GRIA4: variants seen among roughly 807,000 people sequenced by gnomAD.
The protein encoded by GRIA4 is glutamate ionotropic receptor AMPA type subunit 4.
In GRIA4, 34 loss-of-function variants were observed where a neutral mutation model predicts 104.0. The ratio of observed to expected loss-of-function variants is 0.33; its 90% confidence interval spans 0.25 to 0.44. The LOEUF is 0.44. Among genes scored for constraint, GRIA4 ranks in the 20% least tolerant of loss-of-function variants. The pLI is 1.00. For missense variants in GRIA4, 750 were observed against 1,096.5 expected, an observed-to-expected ratio of 0.68 and a Z score of 4.46; for synonymous variants, 386 against 381.9, an observed-to-expected ratio of 1.01 and a Z score of -0.13.
At chr11:105,940,854 C>A (rs778776886) in intron 14 of GRIA4, among the ~76,000 whole-genome samples, 1 of 151,982 alleles carries the variant, frequency 6.6e-6, no homozygotes, top group Non-Finnish European at 1.5e-5. Context: ...GTTTGGTAGT[C>A]ATTTAGAATG....
At chr11:105,849,609 A>G (rs776424840) in intron 4 of GRIA4, among the ~76,000 whole-genome samples, 5 of 152,230 alleles carry the variant, frequency 3.3e-5, no homozygotes, top group Non-Finnish European at 5.9e-5. Context: ...CTGTCAGGTG[A>G]TGGATCAAAT....
intron 3 of GRIA4, among the ~76,000 whole-genome samples, chr11:105,747,364 A>G (rs943555719): frequency 6.6e-6 from 1 of 152,162 alleles, no homozygotes; most frequent in Non-Finnish European, 1.5e-5. Flanking sequence ...CACACACAAA[A>G]TAGTATCAAA....
chr11:105,767,115 C>T (rs1437562348), intron 4 of GRIA4, among the ~76,000 whole-genome samples: 1 of 152,090 alleles, frequency 6.6e-6, no homozygotes, highest in Non-Finnish European at 1.5e-5. Context: ...TTCATATATA[C>T]TTGTCAAATG....
At chr11:105,973,089 T>C (rs1858780594) in intron 15 of GRIA4, among the ~76,000 whole-genome samples, 1 of 152,158 alleles carries the variant, frequency 6.6e-6, no homozygotes, top group Non-Finnish European at 1.5e-5. Flanking sequence ...GAAATCCTGA[T>C]GTAAAGTCAG....
chr11:105,823,230 AC>A (rs1468189354), intron 4 of GRIA4, among the ~76,000 whole-genome samples: 2 of 152,120 alleles, frequency 1.3e-5, no homozygotes, highest in African/African-American at 4.8e-5. Flanking sequence ...AGTGGATTTA[AC>A]CAGAGCTAGT....
At chr11:105,806,789 T>A (rs548024141) in intron 4 of GRIA4, among the ~76,000 whole-genome samples, 1 of 150,786 alleles carries the variant, frequency 6.6e-6, no homozygotes, top group South Asian at 2.1e-4. Flanking sequence ...TAAGAGATGG[T>A]GCTACATATG....
intron 4 of GRIA4, among the ~76,000 whole-genome samples, chr11:105,772,488 T>G (rs1941255172): frequency 6.6e-6 from 1 of 152,144 alleles, no homozygotes; most frequent in African/African-American, 2.4e-5. Context: ...TGATAACATT[T>G]TTTCTCTTTA....
At chr11:105,639,521 A>T (rs1408017563) in intron 3 of GRIA4, among the ~76,000 whole-genome samples, 1 of 151,808 alleles carries the variant, frequency 6.6e-6, no homozygotes, top group Non-Finnish European at 1.5e-5. Context: ...AATTCCAAGA[A>T]TTTTTTCTAA....
intron 3 of GRIA4, among the ~76,000 whole-genome samples, chr11:105,717,809 C>G (rs1230222280): frequency 6.6e-6 from 1 of 150,802 alleles, no homozygotes; most frequent in East Asian, 2.0e-4. Context: ...TGCGCTGCAC[C>G]CACTAACTCG....
chr11:105,805,023 C>A (rs541301058), intron 4 of GRIA4, among the ~76,000 whole-genome samples: 1 of 152,014 alleles, frequency 6.6e-6, no homozygotes, highest in East Asian at 1.9e-4. Flanking sequence ...ATCTCAGGGA[C>A]TATGCCCTCT....
chr11:105,789,278 A>T (rs905508454), intron 4 of GRIA4, among the ~76,000 whole-genome samples: 15 of 152,290 alleles, frequency 9.8e-5, no homozygotes, highest in African/African-American at 3.1e-4. Flanking sequence ...CTTCCAAGCC[A>T]TTGGAATTGC....
At chr11:105,832,140 CAATGTATGCAACCGA>C (rs1391852857) in intron 4 of GRIA4, among the ~76,000 whole-genome samples, 1 of 151,900 alleles carries the variant, frequency 6.6e-6, no homozygotes, top group African/African-American at 2.4e-5. Context: ...AATAACCCTG[CAATGTATGCAACCGA>C]AAAGTGAGAT....
intron 3 of GRIA4, among the ~76,000 whole-genome samples, chr11:105,670,438 T>C (rs1261344973): frequency 6.6e-6 from 1 of 152,126 alleles, no homozygotes; most frequent in African/African-American, 2.4e-5. Flanking sequence ...TCCAGATAAA[T>C]GCAGAAGTGT....
At chr11:105,743,450 T>C (rs1057044300) in intron 3 of GRIA4, among the ~76,000 whole-genome samples, 2 of 152,318 alleles carry the variant, frequency 1.3e-5, no homozygotes, top group East Asian at 3.9e-4. Flanking sequence ...AGGTCTCCTA[T>C]TCCTCCAATA....
intron 16 of GRIA4, 141 bp downstream of exon 16, chr11:105,974,585 T>C (rs750583040): frequency 7.5e-6 from 12 of 1,602,000 alleles, no homozygotes; most frequent in South Asian, 1.1e-5. Context: ...CTACAGTGAG[T>C]GGGGGATGCA....
chr11:105,831,570 A>T (rs1943979343), intron 4 of GRIA4, among the ~76,000 whole-genome samples: 1 of 152,068 alleles, frequency 6.6e-6, no homozygotes, highest in African/African-American at 2.4e-5. Flanking sequence ...TTCCTGTGTT[A>T]CAATATTCAT....
At chr11:105,635,908 G>A (rs910181369) in intron 3 of GRIA4, among the ~76,000 whole-genome samples, 2 of 152,094 alleles carry the variant, frequency 1.3e-5, no homozygotes, top group African/African-American at 4.8e-5. Context: ...TTAGAAATAG[G>A]AACTTATAGA....
At chr11:105,952,625 C>T (rs1258521868) in intron 14 of GRIA4, among the ~76,000 whole-genome samples, 4 of 152,142 alleles carry the variant, frequency 2.6e-5, no homozygotes, top group Non-Finnish European at 5.9e-5. Context: ...AATTTAGAGA[C>T]AATTGCTGGA....
chr11:105,726,146 A>G (rs1222880621), intron 3 of GRIA4, among the ~76,000 whole-genome samples: 1 of 152,160 alleles, frequency 6.6e-6, no homozygotes, highest in African/African-American at 2.4e-5. Flanking sequence ...CACTGGCTTG[A>G]AATTCTCACT....
Sources: allele counts gnomAD v4.1 joint callset (sites outside exome capture counted in the v4.1 genomes callset), GRCh38; gene constraint gnomAD v4.1.1; transcripts MANE v1.5; gene names NCBI Gene and HGNC (gene_info 2026-07-23, HGNC 2026-07-21).